The following SPATA16 variants were observed in gnomAD, a reference collection of about 807,000 sequenced individuals.
SPATA16 encodes spermatogenesis associated 16, also known as spermatogenesis-associated protein 16.
SPATA16 carries 36 observed loss-of-function variants against 63.3 expected under a neutral mutation model. That is an observed-to-expected ratio of 0.57 (90% CI 0.44 to 0.75). The LOEUF is 0.75. SPATA16 is among the 30% of genes least tolerant of loss of function. The pLI is 0.00. For missense variants in SPATA16, 646 were observed against 679.3 expected, an observed-to-expected ratio of 0.95 and a Z score of 0.54; for synonymous variants, 203 against 216.7, an observed-to-expected ratio of 0.94 and a Z score of 0.56.
chr3:172,891,650 G>C (rs1488317512), intron 10 of SPATA16, among the ~76,000 whole-genome samples: 4 of 152,154 alleles, frequency 2.6e-5, no homozygotes, highest in Non-Finnish European at 5.9e-5. Context: ...GGTTTCACTT[G>C]TATCTCTGGT....
intron 6 of SPATA16, among the ~76,000 whole-genome samples, chr3:172,947,343 C>G (rs539249099): frequency 3.3e-5 from 5 of 152,262 alleles, no homozygotes; most frequent in African/African-American, 1.2e-4. Flanking sequence ...CTACAAACAT[C>G]GAGAACATCC....
chr3:173,028,013 C>CCCTTCTTT (rs1735498783), intron 3 of SPATA16, among the ~76,000 whole-genome samples: 13 of 35,070 alleles, frequency 3.7e-4, no homozygotes, highest in Non-Finnish European at 4.6e-4. Context: ...CTCCCTCCCT[C>CCCTTCTTT]CCTTCCTTCT....
chr3:173,064,421 T>G (rs948526091), intron 2 of SPATA16, among the ~76,000 whole-genome samples: 6 of 151,964 alleles, frequency 3.9e-5, no homozygotes, highest in African/African-American at 1.2e-4. Flanking sequence ...AGCTTTCATG[T>G]ACATTTATAG....
chr3:172,989,338 A>G (rs1174425390), intron 4 of SPATA16, among the ~76,000 whole-genome samples: 1 of 152,202 alleles, frequency 6.6e-6, no homozygotes, highest in Non-Finnish European at 1.5e-5. Context: ...GTGCCATAAA[A>G]TGACAGTTAC....
intron 10 of SPATA16, among the ~76,000 whole-genome samples, chr3:172,890,094 C>A (rs1411513155): frequency 6.6e-6 from 1 of 152,166 alleles, no homozygotes; most frequent in Non-Finnish European, 1.5e-5. Flanking sequence ...AACAAACTTA[C>A]CTCCTTCAAA....
intron 6 of SPATA16, among the ~76,000 whole-genome samples, chr3:172,946,419 G>C (rs538229269): frequency 6.6e-6 from 1 of 152,268 alleles, no homozygotes; most frequent in East Asian, 1.9e-4. Context: ...TTGGCTACTA[G>C]ACAGTATTTC....
chr3:173,116,183 T>G (rs918986483), intron 2 of SPATA16, among the ~76,000 whole-genome samples: 2 of 152,194 alleles, frequency 1.3e-5, no homozygotes, highest in Non-Finnish European at 2.9e-5. Context: ...TGAGTCACCA[T>G]GCCAGGACTT....
chr3:172,898,020 A>G (rs1444748679), intron 10 of SPATA16, among the ~76,000 whole-genome samples: 2 of 151,728 alleles, frequency 1.3e-5, no homozygotes, highest in Non-Finnish European at 2.9e-5. Context: ...TAATCTTGTA[A>G]TTTTTCTTCT....
chr3:172,930,155 G>A (rs1732834887), intron 6 of SPATA16, among the ~76,000 whole-genome samples: 1 of 152,168 alleles, frequency 6.6e-6, no homozygotes, highest in African/African-American at 2.4e-5. Flanking sequence ...TGCTACCAGT[G>A]TTGTTTCATG....
chr3:172,916,115 G>A (rs1310676574), intron 9 of SPATA16, among the ~76,000 whole-genome samples: 8 of 152,128 alleles, frequency 5.3e-5, no homozygotes, highest in Non-Finnish European at 1.2e-4. Context: ...ATGGAAGCTA[G>A]TTAATGTGAG....
chr3:173,035,394 A>G (rs1034278824), intron 3 of SPATA16, among the ~76,000 whole-genome samples: 4 of 152,110 alleles, frequency 2.6e-5, no homozygotes, highest in Admixed American at 2.6e-4. Flanking sequence ...CATCAAAGGA[A>G]GGAAGGTAGA....
At chr3:172,894,518 C>T (rs1029924401) in intron 10 of SPATA16, among the ~76,000 whole-genome samples, 1 of 149,462 alleles carries the variant, frequency 6.7e-6, no homozygotes, top group Non-Finnish European at 1.5e-5. Flanking sequence ...CAAACTATAT[C>T]ACCAACTCTT....
chr3:173,066,205 C>T (rs1263230333), intron 2 of SPATA16, among the ~76,000 whole-genome samples: 3 of 151,336 alleles, frequency 2.0e-5, no homozygotes, highest in Admixed American at 6.6e-5. Flanking sequence ...TTTCTAGATG[C>T]ACCCTGGGCC....
At chr3:173,036,832 G>T (rs1396408475) in intron 3 of SPATA16, among the ~76,000 whole-genome samples, 1 of 151,860 alleles carries the variant, frequency 6.6e-6, no homozygotes, top group African/African-American at 2.4e-5. Context: ...CAATGTTACT[G>T]CTTTCATGCA....
At chr3:172,958,964 A>G (rs1733672324) in intron 5 of SPATA16, among the ~76,000 whole-genome samples, 1 of 152,156 alleles carries the variant, frequency 6.6e-6, no homozygotes, top group African/African-American at 2.4e-5. Context: ...AGGGGTTAGG[A>G]CTTCAACAGA....
chr3:172,929,031 G>A (rs1262014948), intron 6 of SPATA16, among the ~76,000 whole-genome samples: 4 of 152,114 alleles, frequency 2.6e-5, no homozygotes, highest in East Asian at 1.9e-4. Context: ...ACCTGTGTCC[G>A]AAAAGCTCTG....
At chr3:173,025,464 A>C (rs1236924938) in intron 3 of SPATA16, among the ~76,000 whole-genome samples, 2 of 151,832 alleles carry the variant, frequency 1.3e-5, no homozygotes, top group Non-Finnish European at 2.9e-5. Flanking sequence ...AGTCAGTTTT[A>C]TTGAGTTATA....
intron 4 of SPATA16, among the ~76,000 whole-genome samples, chr3:172,983,361 G>A (rs556398139): frequency 1.6e-4 from 24 of 149,692 alleles, no homozygotes; most frequent in African/African-American, 6.0e-4. Flanking sequence ...CAGTTTTGTG[G>A]TTGCTTTTCC....
intron 4 of SPATA16, among the ~76,000 whole-genome samples, chr3:173,002,531 ATT>A (rs1734849201): frequency 6.6e-6 from 1 of 152,186 alleles, no homozygotes; most frequent in Non-Finnish European, 1.5e-5. Context: ...TTCCTTGGGA[ATT>A]CCTAACCAGA....
Sources: allele counts gnomAD v4.1 joint callset (sites outside exome capture counted in the v4.1 genomes callset), GRCh38; gene constraint gnomAD v4.1.1; transcripts MANE v1.5; gene names NCBI Gene and HGNC (gene_info 2026-07-23, HGNC 2026-07-21).